Variants in WWC1 observed in about 807,000 individuals in gnomAD.
WWC1 encodes the protein WW and C2 domain containing 1, also known as protein KIBRA.
WWC1 carries 55 observed loss-of-function variants against 138.4 expected under a neutral mutation model. The observed-to-expected ratio is 0.40, with a 90% CI of 0.32 to 0.50. The LOEUF is 0.50. Among genes scored for constraint, WWC1 ranks in the 20% least tolerant of loss-of-function variants. The probability of loss-of-function intolerance (pLI) is 0.72; values close to 1 mark genes in which losing one functional copy is unlikely to be tolerated. For missense variants in WWC1, 1,226 were observed against 1,420.4 expected (o/e 0.86, Z 2.20); for synonymous variants, 524 against 564.9 (o/e 0.93, Z 1.03).
intron 11 of WWC1, among the ~76,000 whole-genome samples, chr5:168,425,491 C>T (rs909752811): frequency 7.1e-6 from 1 of 141,428 alleles, no homozygotes; most frequent in Non-Finnish European, 1.5e-5. Context: ...TATTTTTAAT[C>T]TCCTTTTTTT....
intron 1 of WWC1, among the ~76,000 whole-genome samples, chr5:168,339,043 A>C (rs905083539): frequency 2.4e-4 from 36 of 152,252 alleles, no homozygotes; most frequent in African/African-American, 8.2e-4. Flanking sequence ...TCTGATCACT[A>C]TACATTGTAT....
chr5:168,369,399 TG>T (rs1393565827), intron 1 of WWC1, among the ~76,000 whole-genome samples: 3 of 146,854 alleles, frequency 2.0e-5, no homozygotes, highest in African/African-American at 7.7e-5. Flanking sequence ...TTGTTGTTGT[TG>T]GTGGTGGTGG....
chr5:168,395,893 A>T (rs1778863257), intron 3 of WWC1, among the ~76,000 whole-genome samples: 1 of 152,252 alleles, frequency 6.6e-6, no homozygotes, highest in Admixed American at 6.5e-5. Context: ...TCCAAGTATT[A>T]CATTTTAATG....
At chr5:168,427,783 A>G (rs1437583035) in intron 11 of WWC1, among the ~76,000 whole-genome samples, 5 of 151,648 alleles carry the variant, frequency 3.3e-5, no homozygotes, top group African/African-American at 1.2e-4. Flanking sequence ...GCAAAACCCC[A>G]TCTCTACAAC....
At position 168,292,772 on chromosome 5, in the gene WWC1, G is replaced by A. The variant is rs1314357836; in HGVS notation, c.119+501G>A. Among the ~76,000 whole-genome samples, 1 of 152,152 alleles carries A rather than the reference G, an allele frequency of 6.6e-6. No homozygotes were observed. The highest frequency in any genetic ancestry group is 2.4e-5 in the African/African-American group (1 of 41,418). On this transcript the variant is annotated intron_variant, in intron 1 of 22. Coordinates refer to ENST00000265293, the MANE Select transcript of WWC1 (RefSeq NM_015238.3). This position sits in a 1 kb window ranked among gnomAD's most constrained non-coding sequence, Gnocchi z 4.4. The stretch of plus-strand genomic sequence containing the variant: ...CACTGGAGAGAGGGCACTCGGCGCA[G>A]AGGAAGGCAACCTGAGGTGTGCTTT...
chr5:168,421,280 C>G (rs1250498213), intron 9 of WWC1, among the ~76,000 whole-genome samples: 2 of 152,188 alleles, frequency 1.3e-5, no homozygotes, highest in African/African-American at 2.4e-5. Flanking sequence ...CCCTGCCCAC[C>G]CGGCCACAGG....
chr5:168,325,049 A>G (rs1772417170), intron 1 of WWC1, among the ~76,000 whole-genome samples: 1 of 152,206 alleles, frequency 6.6e-6, no homozygotes, highest in Admixed American at 6.5e-5. Flanking sequence ...AGATGGAGCC[A>G]TTTCCTCATT....
chr5:168,317,969 G>A (rs1326667297), intron 1 of WWC1, among the ~76,000 whole-genome samples: 3 of 152,196 alleles, frequency 2.0e-5, no homozygotes, highest in Non-Finnish European at 2.9e-5. Context: ...GGAGAGACCC[G>A]AGGGTCTTGG....
intron 16 of WWC1, among the ~76,000 whole-genome samples, chr5:168,443,710 G>A (rs546249476): frequency 2.0e-4 from 31 of 152,252 alleles, no homozygotes; most frequent in Non-Finnish European, 3.8e-4. Context: ...CAGGCCTTCA[G>A]TTGATTTTAG....
At chr5:168,305,260 G>A (rs1341962806) in intron 1 of WWC1, among the ~76,000 whole-genome samples, 2 of 151,886 alleles carry the variant, frequency 1.3e-5, no homozygotes, top group African/African-American at 2.4e-5. Context: ...GAGCCACTGC[G>A]CCTGGCCAAC....
At chr5:168,357,132 G>T (rs1775484136) in intron 1 of WWC1, among the ~76,000 whole-genome samples, 1 of 151,988 alleles carries the variant, frequency 6.6e-6, no homozygotes, top group African/African-American at 2.4e-5. Context: ...AAAGTAGAGG[G>T]CCTAGCTGTG....
chr5:168,409,804 G>A (rs73392739), intron 7 of WWC1, 118 bp from the exon 8 acceptor site: 96,366 of 991,916 alleles, frequency 0.097, 5,354 homozygotes, highest in Middle Eastern at 0.12. Context: ...CCCAGTCACC[G>A]GGGGCTATTC....
In WWC1 at chr5:168,423,862, C is replaced by T; in HGVS notation, c.1604C>T (p.Ser535Phe). Residue 535 changes from serine to phenylalanine, a missense_variant, in exon 11 of 23, where the codon TCC becomes TTC. Around this residue, in one of 3 missense-constraint regions of WWC1, gnomAD observed 1,016 missense variants for 1,153.9 expected, o/e 0.88. Transcript: ENST00000265293. The part of the protein sequence containing the change: ...SGTPKSMTSL[S>F]PRSSLSSPSP... ...ACCCCAAAGTCCATGACCTCCCTAT[C>T]CCCACGTTCCTCTCTCTCCTCCCCC... is the stretch of plus-strand genomic sequence containing the variant. 6.2e-7 allele frequency: 1 copy of T among 1,614,162 alleles called. No homozygotes were observed. The highest frequency in any genetic ancestry group is 8.5e-7 in the Non-Finnish European group (1 of 1,180,020).
At position 168,335,513 on chromosome 5, in the gene WWC1, T is replaced by C. The variant is rs111569032; in HGVS notation, c.120-35911T>C. Among the ~76,000 whole-genome samples, 456 of 152,342 alleles carry C rather than the reference T, an allele frequency of 3.0e-3. 1 individual carries two copies. Among genetic ancestry groups the C allele is most frequent in the African/African-American group, 0.01 (430 of 41,578 alleles). On this transcript the variant is annotated intron_variant, in intron 1 of 22. Transcript: ENST00000265293. ...TGGGCAATGTACTAAGCACTTTGTG[T>C]ATCTCATTTGAGCTGGACCTCCCAG...
In WWC1 at chr5:168,424,089, A is replaced by T. The variant is rs371494305; in HGVS notation, c.1810+21A>T. On this transcript the variant is annotated intron_variant, in intron 11 of 22. Coordinates refer to ENST00000265293, the MANE Select transcript of WWC1 (RefSeq NM_015238.3). ...CCAAGGTAGAGAGCACCATACCCAG[A>T]GGGTGGGAACCAGGAGGAGGGAAAG... 3.8e-6 allele frequency: 6 copies of T among 1,561,414 alleles called. No homozygotes were observed. In the African/African-American group the frequency reaches 6.8e-5, roughly 18 times the overall value.
intron 1 of WWC1, among the ~76,000 whole-genome samples, chr5:168,357,467 T>G (rs1775527832): frequency 7.2e-6 from 1 of 138,102 alleles, no homozygotes; most frequent in African/African-American, 3.0e-5. Context: ...TGTGTGTGTG[T>G]GTGTGTGTGT....
At position 168,435,991 on chromosome 5, in the gene WWC1, C is replaced by T. The variant is rs180919466; in HGVS notation, c.2280+4547C>T. On this transcript the variant is annotated intron_variant, in intron 15 of 22. Coordinates refer to ENST00000265293, the MANE Select transcript of WWC1 (RefSeq NM_015238.3). ...CCAAGTAGCTGGGACTATAGGCACG[C>T]GCCACCACACCTGGCTAATTTTTGT... Among the ~76,000 whole-genome samples, 361 of 152,092 alleles carry T rather than the reference C, an allele frequency of 2.4e-3. 5 individuals carry two copies. The highest frequency in any genetic ancestry group is 0.016 in the South Asian group (77 of 4,800).
Position 168,409,928 on chromosome 5 carries a change from A to G in WWC1, c.874A>G (p.Ile292Val). 1.9e-6 allele frequency: 3 copies of G among 1,613,966 alleles called. No homozygotes were observed. Among genetic ancestry groups the G allele is most frequent in the Non-Finnish European group, 2.5e-6 (3 of 1,179,872 alleles). ...CTTTGTTCTTCTCCTCCAGTTCGGC[A>G]TCAACAGCAACAATCAGTTGGCAGA... is the stretch of plus-strand genomic sequence containing the variant. ...SQTDISGSFG[I>V]NSNNQLAEKV... is the part of the protein sequence containing the mutation. Residue 292 changes from isoleucine (I) to valine (V), a missense_variant, in exon 8 of 23, where the codon ATC (isoleucine) becomes GTC (valine). Ile to Val is a conservative substitution (Grantham distance 29). Coordinates refer to ENST00000265293, the MANE Select transcript of WWC1 (RefSeq NM_015238.3).
At chr5:168,323,868 A>C (rs1772323403) in intron 1 of WWC1, among the ~76,000 whole-genome samples, 1 of 152,200 alleles carries the variant, frequency 6.6e-6, no homozygotes, top group South Asian at 2.1e-4. Flanking sequence ...AAAAATCTTA[A>C]AATCATCAGG....
Sources: allele counts gnomAD v4.1 joint callset (sites outside exome capture counted in the v4.1 genomes callset), GRCh38; gene constraint gnomAD v4.1.1; regional missense constraint gnomAD v4.1.1; non-coding constraint Gnocchi (gnomAD v3.1); transcripts MANE v1.5; gene names NCBI Gene and HGNC (gene_info 2026-07-23, HGNC 2026-07-21).